KIAA1210: variants seen among roughly 807,000 people sequenced by gnomAD.
KIAA1210 encodes the protein acrosomal protein KIAA1210.
In KIAA1210, 48 loss-of-function variants were observed where a neutral mutation model predicts 78.9. The observed-to-expected ratio is 0.61, with a 90% confidence interval of 0.48 to 0.77. KIAA1210 has a LOEUF of 0.77. Among genes scored for constraint, KIAA1210 ranks in the 30% least tolerant of loss-of-function variants. The pLI, the probability that KIAA1210 is intolerant of heterozygous loss-of-function variation, is 0.00. For missense variants in KIAA1210, 1,108 were observed against 1,100.0 expected (o/e 1.01, Z -0.10); for synonymous variants, 406 against 404.5 (o/e 1.00, Z -0.04).
chrX:119,081,409 C>T lies in KIAA1210; in HGVS notation c.4522G>A (p.Glu1508Lys), dbSNP rs773847722. The T allele has an allele frequency of 3.3e-6, 4 of 1,210,624 alleles. No homozygotes were observed. The highest frequency in any genetic ancestry group is 4.5e-6 in the Non-Finnish European group (4 of 894,792). Reference protein sequence around the residue: ...TLPAKFQNPVEPIEPVWFSLA... With the variant: ...TLPAKFQNPVKPIEPVWFSLA... ...GAGAACCAGACAGGCTCAATTGGCT[C>T]AACTGGGTTCTGGAACTTGGCTGGG... The change falls in exon 12 of 12, where the codon GAG (glutamate) becomes AAG (lysine). Residue 1508 changes from glutamate (E) to lysine (K), a missense_variant. Glu to Lys is a moderately conservative substitution (Grantham distance 56). Around this residue, in one of 5 missense-constraint regions of KIAA1210, gnomAD observed 245 missense variants for 278.8 expected, o/e 0.88. Transcript: ENST00000691062.
At chrX:119,106,390 A>G (rs1172265869) in intron 5 of KIAA1210, among the ~76,000 whole-genome samples, 1 of 111,594 alleles carries the variant, frequency 9.0e-6, no homozygotes, top group East Asian at 2.8e-4. Context: ...ACCTGCCCTA[A>G]TTCTTTCAGT....
intron 2 of KIAA1210, among the ~76,000 whole-genome samples, chrX:119,122,851 C>T (rs1311493384): frequency 8.9e-6 from 1 of 111,840 alleles, no homozygotes; most frequent in Non-Finnish European, 1.9e-5. Flanking sequence ...GAAGCCAGGC[C>T]CCCAGGAAGC....
At chrX:119,138,311 C>T (rs1318821767) in intron 2 of KIAA1210, among the ~76,000 whole-genome samples, 2 of 105,747 alleles carry the variant, frequency 1.9e-5, no homozygotes, top group Admixed American at 1.0e-4. Flanking sequence ...CTCCGCCTCC[C>T]GGGTTCAAGC....
At chrX:119,082,167 G>A (rs1432951698) in intron 11 of KIAA1210, among the ~76,000 whole-genome samples, 1 of 112,025 alleles carries the variant, frequency 8.9e-6, no homozygotes, top group Non-Finnish European at 1.9e-5. Context: ...GTTTCCTGAA[G>A]CAAATGAATT....
intron 2 of KIAA1210, among the ~76,000 whole-genome samples, chrX:119,119,704 C>T (rs1000252729): frequency 3.6e-5 from 4 of 110,927 alleles, no homozygotes; most frequent in Non-Finnish European, 5.7e-5. Flanking sequence ...AGGCCGGGCG[C>T]GGTGGCTCAC....
Position 119,149,866 on chromosome X carries a change from C to T in KIAA1210, c.289+425G>A, listed in dbSNP as rs181851964. Among the ~76,000 whole-genome samples the T allele has an allele frequency of 5.2e-3, 578 of 111,062 alleles. 1 individual carries two copies. The highest frequency in any genetic ancestry group is 9.0e-3 in the Non-Finnish European group (476 of 52,981). ...CATGTTTCCCTCTCTCTTTCCATCC[C>T]TCTCTCGGCCTTCCTCTCGTCTCTC... On this transcript the variant is annotated intron_variant, in intron 1 of 13. Coordinates refer to the KIAA1210 transcript ENST00000402510.
At position 119,088,821 on chromosome X, in the gene KIAA1210, C is replaced by T; in HGVS notation, c.1881G>A (p.Gln627=). 1 of 1,211,255 alleles carries T rather than the reference C, an allele frequency of 8.3e-7. No individual in the cohort carries two copies. The highest frequency in any genetic ancestry group is 1.1e-6 in the Non-Finnish European group (1 of 895,137). ...GTTCATCTTCAAACTTCCCCAAGGA[C>T]TGGGAAGAGTGACCATGAGCCAGTT... ...SEELAHGHSS[Q]SLGKFEDEQE... The change falls in exon 9 of 12, where the codon CAG becomes CAA. Residue 627 remains glutamine, a synonymous_variant. Coordinates refer to ENST00000691062, the MANE Select transcript of KIAA1210 (RefSeq NM_001394962.1).
upstream of KIAA1210, among the ~76,000 whole-genome samples, chrX:119,129,680 C>T (rs1436234537): frequency 9.0e-6 from 1 of 110,971 alleles, no homozygotes; most frequent in Non-Finnish European, 1.9e-5. Context: ...CACTCTTGGA[C>T]CCCTCTTTCC....
chrX:119,134,504 C>A (rs1928867802), intron 2 of KIAA1210, among the ~76,000 whole-genome samples: 1 of 112,060 alleles, frequency 8.9e-6, no homozygotes. Flanking sequence ...CAAGACATAC[C>A]AGGGAGAGAA....
chrX:119,149,021 G>C (rs7056650), intron 1 of KIAA1210, among the ~76,000 whole-genome samples: 1 of 107,812 alleles, frequency 9.3e-6, no homozygotes, highest in Non-Finnish European at 1.9e-5. Context: ...CCTTGTGTTG[G>C]GGGGAGGTGG....
intron 6 of KIAA1210, among the ~76,000 whole-genome samples, chrX:119,103,692 G>A (rs1603267480): frequency 8.9e-6 from 1 of 112,155 alleles, no homozygotes; most frequent in East Asian, 2.8e-4. Context: ...AGGTAGATAG[G>A]ACACAAGTGT....
rs181710629 is a variant in KIAA1210 at position 119,142,911 on chromosome X, G to T, written c.410+4562C>A. Among the ~76,000 whole-genome samples, 39 of 110,883 alleles carry T rather than the reference G, an allele frequency of 3.5e-4. No homozygotes were observed. The East Asian group carries it at 0.011, about 30-fold the overall frequency. ...GGTAGGGCACCAAGCCATTCATGCG[G>T]GATCCATTCCCATGACCCACACACC... is the stretch of plus-strand genomic sequence containing the variant. On this transcript the variant is annotated intron_variant, in intron 2 of 13. Coordinates refer to the KIAA1210 transcript ENST00000402510.
At chrX:119,137,854 C>T (rs1350771489) in intron 2 of KIAA1210, among the ~76,000 whole-genome samples, 1 of 111,795 alleles carries the variant, frequency 8.9e-6, no homozygotes, top group Non-Finnish European at 1.9e-5. Flanking sequence ...GAACAAAAAG[C>T]TGGAGTGTAC....
intron 2 of KIAA1210, among the ~76,000 whole-genome samples, chrX:119,141,745 C>T (rs1929054415): frequency 8.9e-6 from 1 of 112,183 alleles, no homozygotes; most frequent in African/African-American, 3.2e-5. Context: ...CAGACTAATG[C>T]AGATCTTGAC....
At chrX:119,118,936 T>TC (rs773688906) in intron 2 of KIAA1210, among the ~76,000 whole-genome samples, 4 of 112,049 alleles carry the variant, frequency 3.6e-5, no homozygotes, top group African/African-American at 1.3e-4. Context: ...CTCCTTAGCA[T>TC]CCCCCTTAGC....
At chrX:119,094,515 T>C (rs1927493840) in intron 7 of KIAA1210, among the ~76,000 whole-genome samples, 1 of 112,117 alleles carries the variant, frequency 8.9e-6, no homozygotes, top group South Asian at 3.7e-4. Context: ...CAGACACAGC[T>C]CATAATAATT....
intron 1 of KIAA1210, chrX:119,147,716 A>G: frequency 2.7e-6 from 2 of 741,699 alleles, no homozygotes; most frequent in Non-Finnish European, 4.0e-6. Flanking sequence ...GAGGAAGTCC[A>G]CGGCCTAGAA....
upstream of KIAA1210, among the ~76,000 whole-genome samples, chrX:119,129,757 G>A: frequency 9.0e-6 from 1 of 111,470 alleles, no homozygotes; most frequent in African/African-American, 3.3e-5. Flanking sequence ...GCCCCATTCA[G>A]CTGGGCTAGG....
At chrX:119,106,916 C>T (rs1927911589) in intron 5 of KIAA1210, among the ~76,000 whole-genome samples, 1 of 112,053 alleles carries the variant, frequency 8.9e-6, no homozygotes, top group Non-Finnish European at 1.9e-5. Flanking sequence ...AGAATCCTGC[C>T]CCTTCAAGGG....
Sources: allele counts gnomAD v4.1 joint callset (sites outside exome capture counted in the v4.1 genomes callset), GRCh38; gene constraint gnomAD v4.1.1; regional missense constraint gnomAD v4.1.1; transcripts MANE v1.5; gene names NCBI Gene and HGNC (gene_info 2026-07-23, HGNC 2026-07-21).